AFF1: variants seen among roughly 807,000 people sequenced by gnomAD.
AFF1 encodes AF4/FMR2 family member 1.
In AFF1, 48 loss-of-function variants were observed where a neutral mutation model predicts 121.7. That is an observed-to-expected ratio of 0.39 (90% CI 0.31 to 0.50). The LOEUF (loss-of-function observed/expected upper bound fraction) is 0.50. Among genes scored for constraint, AFF1 ranks in the 20% least tolerant of loss-of-function variants. The probability of loss-of-function intolerance (pLI) is 0.76; values close to 1 mark genes in which losing one functional copy is unlikely to be tolerated. For missense variants in AFF1, 1,523 were observed against 1,511.7 expected (o/e 1.01, Z -0.12); for synonymous variants, 613 against 563.0 (o/e 1.09, Z -1.26).
chr4:87,119,116 C>T (rs2149778988), intron 12 of AFF1, among the ~76,000 whole-genome samples: 1 of 152,302 alleles, frequency 6.6e-6, no homozygotes, highest in African/African-American at 2.4e-5. Context: ...ACCCTATTCT[C>T]CTGCCTCACT....
intron 4 of AFF1, among the ~76,000 whole-genome samples, chr4:87,049,205 C>G (rs1199638594): frequency 6.6e-6 from 1 of 151,970 alleles, no homozygotes; most frequent in Non-Finnish European, 1.5e-5. Flanking sequence ...TACCAAATGC[C>G]CAACCATATG....
At chr4:87,023,541 G>C (rs1728240216) in intron 2 of AFF1, among the ~76,000 whole-genome samples, 1 of 152,108 alleles carries the variant, frequency 6.6e-6, no homozygotes, top group African/African-American at 2.4e-5. Context: ...TGGTTGAACT[G>C]GCTAGAGTGG....
intron 2 of AFF1, among the ~76,000 whole-genome samples, chr4:87,022,580 A>ATATCTATC (rs1194224274): frequency 7.8e-5 from 7 of 89,310 alleles, no homozygotes; most frequent in African/African-American, 3.7e-4. Flanking sequence ...ATATATATAT[A>ATATCTATC]TATCTATCTA....
chr4:86,958,091 CTTTTT>C (rs36035943), intron 2 of AFF1, among the ~76,000 whole-genome samples: 1 of 107,108 alleles, frequency 9.3e-6, no homozygotes, highest in Non-Finnish European at 1.8e-5. Context: ...TTTTTTTTTC[CTTTTT>C]TTTTTTTTTT....
At position 87,094,466 on chromosome 4, in the gene AFF1, A is replaced by C. The variant is rs185976319; in HGVS notation, c.1229-449A>C. Among the ~76,000 whole-genome samples the C allele has an allele frequency of 1.0e-3, 152 of 152,312 alleles. 1 individual carries two copies. The highest frequency in any genetic ancestry group is 3.6e-3 in the African/African-American group (148 of 41,566). ...AATAGCTGCTGAATGAATGAATTGC[A>C]GGTGGGGAGTTGAATAATGAAGGGA... On this transcript the variant is annotated intron_variant, in intron 7 of 20. Transcript: ENST00000395146.
intron 5 of AFF1, 45 bp from the exon 6 acceptor site, chr4:87,089,939 C>A: frequency 2.1e-6 from 3 of 1,408,476 alleles, no homozygotes; most frequent in Non-Finnish European, 3.0e-6. Flanking sequence ...AATGAATGTT[C>A]TATTTATAAT....
chr4:87,108,307 G>C lies in AFF1; in HGVS notation c.1525G>C (p.Ala509Pro). The change falls in exon 11 of 21, where the codon GCT becomes CCT. Residue 509 changes from alanine to proline, a missense_variant. This residue lies in a region of AFF1 where 905 missense variants were observed against 842.5 expected (regional missense o/e 1.07). Coordinates refer to ENST00000395146, the MANE Select transcript of AFF1 (RefSeq NM_001166693.3). ...SEENEPLETP[A>P]PEPEPPTTNK... is the part of the protein sequence containing the mutation. ...AGAAAATGAGCCCCTAGAAACCCCA[G>C]CTCCGGAGGTACCGTGTTCCCCCTC... is the stretch of plus-strand genomic sequence containing the variant. 2.5e-6 allele frequency: 4 copies of C among 1,613,034 alleles called. No homozygotes were observed. The highest frequency in any genetic ancestry group is 3.4e-6 in the Non-Finnish European group (4 of 1,179,856).
intron 2 of AFF1, among the ~76,000 whole-genome samples, chr4:86,983,851 C>T (rs575925105): frequency 2.6e-5 from 4 of 152,132 alleles, no homozygotes; most frequent in South Asian, 2.1e-4. Flanking sequence ...TCCTGGCCAA[C>T]ACGGTGAAAC....
intron 1 of AFF1, among the ~76,000 whole-genome samples, chr4:86,938,906 T>A (rs1454411783): frequency 6.6e-6 from 1 of 152,254 alleles, no homozygotes; most frequent in Admixed American, 6.5e-5. Flanking sequence ...TTTTCTTAAA[T>A]TATCTGGCCC....
At chr4:86,976,390 CTAGA>C (rs1723307095) in intron 2 of AFF1, among the ~76,000 whole-genome samples, 1 of 152,042 alleles carries the variant, frequency 6.6e-6, no homozygotes, top group African/African-American at 2.4e-5. Flanking sequence ...CAGTGGTAGA[CTAGA>C]TAAAGAAAAT....
chr4:87,057,819 G>A (rs1320555017), intron 4 of AFF1, among the ~76,000 whole-genome samples: 1 of 152,124 alleles, frequency 6.6e-6, no homozygotes, highest in African/African-American at 2.4e-5. Context: ...GTGAAAGAAA[G>A]TATTTCCTTA....
chr4:87,119,349 C>A (rs1727440421), intron 12 of AFF1, among the ~76,000 whole-genome samples: 1 of 151,840 alleles, frequency 6.6e-6, no homozygotes, highest in African/African-American at 2.4e-5. Flanking sequence ...GAGGCTGAGG[C>A]GGGTGGATTG....
chr4:87,069,581 C>T (rs1440862796), intron 4 of AFF1, among the ~76,000 whole-genome samples: 1 of 144,836 alleles, frequency 6.9e-6, no homozygotes, highest in Non-Finnish European at 1.5e-5. Context: ...TCCTCTCTCC[C>T]TCTCCTATCA....
chr4:86,950,931 A>G (rs1459944954), intron 2 of AFF1, among the ~76,000 whole-genome samples: 1 of 152,196 alleles, frequency 6.6e-6, no homozygotes, highest in East Asian at 1.9e-4. Context: ...GATTGTGAAA[A>G]TAATGTCATG....
In AFF1 at chr4:87,034,778, G is replaced by A. The variant is rs541860219; in HGVS notation, c.39-11388G>A. On this transcript the variant is annotated intron_variant, in intron 2 of 20. Transcript: ENST00000395146. ...GGTTTGATTCATTTGATGGGTAAAA[G>A]AATTTGGTAAAATCAGTTTTAGGTA... Among the ~76,000 whole-genome samples the A allele has an allele frequency of 6.2e-5, 9 of 144,914 alleles. No homozygotes were observed. In the South Asian group the frequency reaches 2.1e-3, roughly 33 times the overall value.
chr4:87,090,852 A>G (rs1307082717), intron 6 of AFF1, among the ~76,000 whole-genome samples: 1 of 151,562 alleles, frequency 6.6e-6, no homozygotes, highest in African/African-American at 2.4e-5. Context: ...TGTCTCTCCA[A>G]AAAAATACAA....
At chr4:87,112,477 G>A (rs1417988296) in intron 11 of AFF1, among the ~76,000 whole-genome samples, 1 of 152,208 alleles carries the variant, frequency 6.6e-6, no homozygotes, top group African/African-American at 2.4e-5. Flanking sequence ...ACTGTCCAAA[G>A]AATGTTCTTG....
At chr4:86,995,437 G>C (rs910889204) in intron 2 of AFF1, among the ~76,000 whole-genome samples, 2 of 148,670 alleles carry the variant, frequency 1.3e-5, no homozygotes, top group African/African-American at 5.0e-5. Context: ...TCAGCCTGCC[G>C]AGTGCCTGCG....
chr4:87,039,066 T>A (rs373404989), intron 2 of AFF1, among the ~76,000 whole-genome samples: 41 of 152,332 alleles, frequency 2.7e-4, no homozygotes, highest in African/African-American at 8.9e-4. Flanking sequence ...GCCCATGGGC[T>A]CCAGCCTGGG....
Sources: gnomAD v4.1 joint callset for allele counts (sites outside exome capture counted in the v4.1 genomes callset) on GRCh38, gnomAD v4.1.1 for gene constraint, gnomAD v4.1.1 regional missense constraint, MANE v1.5 for transcripts, NCBI Gene and HGNC (gene_info 2026-07-23, HGNC 2026-07-21) for gene names.